SGIP1: variants seen among roughly 807,000 people sequenced by gnomAD.
The protein encoded by SGIP1 is SH3-containing GRB2-like protein 3-interacting protein 1.
A neutral mutation model predicts 107.5 loss-of-function variants in SGIP1; 38 were observed. That is an observed-to-expected ratio of 0.35 (90% CI 0.27 to 0.46). The LOEUF is 0.46. Among genes scored for constraint, SGIP1 ranks in the 20% least tolerant of loss-of-function variants. The pLI is 1.00. For missense variants in SGIP1, 929 were observed against 1,019.5 expected (o/e 0.91, Z 1.21); for synonymous variants, 365 against 366.1 (o/e 1.00, Z 0.03).
intron 1 of SGIP1, among the ~76,000 whole-genome samples, chr1:66,601,906 G>C (rs1306671413): frequency 6.6e-6 from 1 of 152,150 alleles, no homozygotes; most frequent in African/African-American, 2.4e-5. Flanking sequence ...TTCTGATTCA[G>C]AAAGCTTTTC....
chr1:66,740,611 C>T, intron 22 of SGIP1, 47 bp from the exon 23 acceptor site: 1 of 1,296,892 alleles, frequency 7.7e-7, no homozygotes, highest in Non-Finnish European at 1.1e-6. Context: ...ATCCAGTAAA[C>T]AAAAACTCTT....
At chr1:66,596,441 C>A (rs1251370701) in intron 1 of SGIP1, among the ~76,000 whole-genome samples, 1 of 151,544 alleles carries the variant, frequency 6.6e-6, no homozygotes, top group African/African-American at 2.4e-5. Context: ...AGTATGCTGA[C>A]AGGGTAAAGC....
chr1:66,603,871 C>T (rs1355272927), intron 1 of SGIP1, among the ~76,000 whole-genome samples: 1 of 152,106 alleles, frequency 6.6e-6, no homozygotes, highest in East Asian at 1.9e-4. Context: ...ATATAATCAA[C>T]ACCTAGCTGC....
At chr1:66,625,560 A>G (rs1384467650) in intron 1 of SGIP1, among the ~76,000 whole-genome samples, 1 of 152,248 alleles carries the variant, frequency 6.6e-6, no homozygotes, top group Non-Finnish European at 1.5e-5. Flanking sequence ...GTGATGAACA[A>G]CAGTAGTCTA....
chr1:66,558,340 A>G (rs2058470832), intron 1 of SGIP1, among the ~76,000 whole-genome samples: 2 of 151,992 alleles, frequency 1.3e-5, no homozygotes, highest in Non-Finnish European at 2.9e-5. Flanking sequence ...ATTTTTGACA[A>G]GAAGCCCTGC....
At chr1:66,670,937 A>G in intron 9 of SGIP1, 58 bp from the exon 10 acceptor site, 1 of 789,518 alleles carries the variant, frequency 1.3e-6, no homozygotes, top group Non-Finnish European at 1.9e-6. Context: ...GAAATAATAC[A>G]TATTGTACAT....
At chr1:66,547,623 G>A (rs974219999) in intron 1 of SGIP1, among the ~76,000 whole-genome samples, 1 of 152,176 alleles carries the variant, frequency 6.6e-6, no homozygotes, top group African/African-American at 2.4e-5. Flanking sequence ...TGTAGTGACA[G>A]TGCAAGGCGA....
chr1:66,565,420 A>G (rs948679638), intron 1 of SGIP1, among the ~76,000 whole-genome samples: 4 of 151,986 alleles, frequency 2.6e-5, no homozygotes, highest in African/African-American at 9.7e-5. Context: ...ATGAGTAGAA[A>G]TTCAAACTTA....
rs2094574048 is a variant in SGIP1, at chr1:66,747,882, C to G, written c.*4787C>G. The G allele has an allele frequency of 6.6e-6, 1 of 151,836 alleles. No individual in the cohort carries two copies. Among genetic ancestry groups the G allele is most frequent in the East Asian group, 1.9e-4 (1 of 5,198 alleles). 9.4% of individuals were successfully genotyped at this position (151,836 alleles called of 1,614,324 possible). A position where few individuals can be genotyped will look rare whatever the true frequency, so the allele number is the denominator to read the frequency against. On this transcript the variant is annotated 3_prime_UTR_variant, in exon 25 of 25. Coordinates refer to ENST00000371037, the MANE Select transcript of SGIP1 (RefSeq NM_032291.4). ...TCATTTTGCCACATGGTTTTCTGAT[C>G]AGCAATTTTTTTAAAAAATGGAAGT... is the stretch of plus-strand genomic sequence containing the variant.
At chr1:66,565,116 C>A (rs543108872) in intron 1 of SGIP1, among the ~76,000 whole-genome samples, 6 of 152,004 alleles carry the variant, frequency 3.9e-5, no homozygotes, top group African/African-American at 1.4e-4. Context: ...TACAGTGATT[C>A]CCCCAGTAAA....
At chr1:66,653,681 C>A (rs1419720318) in intron 7 of SGIP1, among the ~76,000 whole-genome samples, 1 of 152,104 alleles carries the variant, frequency 6.6e-6, no homozygotes, top group African/African-American at 2.4e-5. Flanking sequence ...GCTGTGTACT[C>A]ACAATATTGA....
chr1:66,624,903 A>G (rs938437010), intron 1 of SGIP1, among the ~76,000 whole-genome samples: 1 of 152,202 alleles, frequency 6.6e-6, no homozygotes, highest in Admixed American at 6.5e-5. Context: ...GTACAGAAGA[A>G]CCAAGACTGG....
At chr1:66,633,958 G>C in intron 3 of SGIP1, 1 of 746,300 alleles carries the variant, frequency 1.3e-6, no homozygotes, top group South Asian at 1.8e-5. Context: ...TTCCACACTT[G>C]ACTCAAGGTT....
chr1:66,548,325 G>A (rs1428393405), intron 1 of SGIP1, among the ~76,000 whole-genome samples: 1 of 151,954 alleles, frequency 6.6e-6, no homozygotes, highest in African/African-American at 2.4e-5. Context: ...TTATTTGTGG[G>A]AAAGCTGATG....
intron 1 of SGIP1, among the ~76,000 whole-genome samples, chr1:66,618,482 C>A (rs1225789649): frequency 1.3e-5 from 2 of 152,200 alleles, no homozygotes; most frequent in Admixed American, 1.3e-4. Flanking sequence ...CTTCTGTGCA[C>A]TAGGTACTGC....
At chr1:66,562,522 G>A (rs1223779300) in intron 1 of SGIP1, among the ~76,000 whole-genome samples, 3 of 152,058 alleles carry the variant, frequency 2.0e-5, no homozygotes, top group Non-Finnish European at 4.4e-5. Flanking sequence ...AAAAGACAAA[G>A]AGGACTAGTG....
chr1:66,617,646 G>C (rs1323157778), intron 1 of SGIP1, among the ~76,000 whole-genome samples: 1 of 152,146 alleles, frequency 6.6e-6, no homozygotes, highest in Non-Finnish European at 1.5e-5. Context: ...TCACCTTTGA[G>C]TAACCCTCCA....
At chr1:66,673,038 C>A (rs1004133586) in intron 11 of SGIP1, among the ~76,000 whole-genome samples, 2 of 152,114 alleles carry the variant, frequency 1.3e-5, no homozygotes, top group Non-Finnish European at 2.9e-5. Context: ...ATTGGGTGAG[C>A]ACCTCAGCTC....
chr1:66,574,882 T>A (rs1390194977), intron 1 of SGIP1, among the ~76,000 whole-genome samples: 2 of 152,220 alleles, frequency 1.3e-5, no homozygotes, highest in African/African-American at 4.8e-5. Flanking sequence ...TATTTAGAGA[T>A]TATGTCCCTC....
Sources: allele counts gnomAD v4.1 joint callset (sites outside exome capture counted in the v4.1 genomes callset), GRCh38; gene constraint gnomAD v4.1.1; transcripts MANE v1.5; gene names NCBI Gene and HGNC (gene_info 2026-07-23, HGNC 2026-07-21).